The following UACA variants were observed in gnomAD, a reference collection of about 807,000 sequenced individuals.
UACA encodes the protein uveal autoantigen with coiled-coil domains and ankyrin repeats.
A neutral mutation model predicts 160.5 loss-of-function variants in UACA; 112 were observed. The ratio of observed to expected loss-of-function variants is 0.70; its 90% CI spans 0.60 to 0.82. The LOEUF is 0.82. Among genes scored for constraint, UACA ranks in the 40% least tolerant of loss-of-function variants. The pLI is 0.00. For missense variants in UACA, 1,574 were observed against 1,614.6 expected (o/e 0.97, Z 0.43); for synonymous variants, 557 against 568.4 (o/e 0.98, Z 0.29).
chr15:70,715,199 C>T (rs976443959), intron 1 of UACA, among the ~76,000 whole-genome samples: 2 of 152,178 alleles, frequency 1.3e-5, no homozygotes, highest in African/African-American at 4.8e-5. Flanking sequence ...AGGAGGGTCA[C>T]TGTGCCTTCT....
intron 1 of UACA, among the ~76,000 whole-genome samples, chr15:70,723,104 C>A (rs959115055): frequency 1.3e-5 from 2 of 152,166 alleles, no homozygotes; most frequent in African/African-American, 4.8e-5. Flanking sequence ...TCAGTTTCCT[C>A]ATTTTAAAAA....
chr15:70,668,011 T>G lies in UACA; in HGVS notation c.2673A>C (p.Glu891Asp). The change falls in exon 16 of 19, where the codon GAA becomes GAC. Residue 891 changes from glutamate (E) to aspartate (D), a missense_variant. Coordinates refer to ENST00000322954, the MANE Select transcript of UACA (RefSeq NM_018003.4). ...RELLDVKKKFEDINQEFVKIK... is the reference protein window; with the variant it reads ...RELLDVKKKFDDINQEFVKIK... Reference sequence around the variant, plus strand: ...TTTTTACAAATTCCTGATTTATATCTTCAAATTTTTTCTTCACATCTAATA... The same window carrying G: ...TTTTTACAAATTCCTGATTTATATCGTCAAATTTTTTCTTCACATCTAATA... The G allele has an allele frequency of 6.2e-7, 1 of 1,604,002 alleles. No homozygotes were observed. The highest frequency in any genetic ancestry group is 8.5e-7 in the Non-Finnish European group (1 of 1,176,148).
At chr15:70,759,255 C>G (rs2030605391) in intron 1 of UACA, among the ~76,000 whole-genome samples, 2 of 152,202 alleles carry the variant, frequency 1.3e-5, no homozygotes, top group South Asian at 4.1e-4. Context: ...CATATTCTCA[C>G]TATACATATA....
At chr15:70,682,402 T>C (rs1897542574) in intron 9 of UACA, among the ~76,000 whole-genome samples, 1 of 152,178 alleles carries the variant, frequency 6.6e-6, no homozygotes. Flanking sequence ...TGTCCTGTTA[T>C]TAAGGGAGAC....
At chr15:70,673,275 A>AAAAAC (rs1470467010) in intron 13 of UACA, among the ~76,000 whole-genome samples, 4 of 152,224 alleles carry the variant, frequency 2.6e-5, no homozygotes, top group East Asian at 3.9e-4. Context: ...ATCCTGTCTC[A>AAAAAC]AAAACAAAAC....
intron 2 of UACA, 120 bp downstream of exon 2, chr15:70,699,407 T>C (rs995910334): frequency 8.1e-6 from 9 of 1,110,978 alleles, no homozygotes; most frequent in Middle Eastern, 4.1e-4. Context: ...GATTTTATAG[T>C]GCAGGTTTTG....
chr15:70,751,333 G>A (rs1011570007), intron 1 of UACA, among the ~76,000 whole-genome samples: 1 of 152,090 alleles, frequency 6.6e-6, no homozygotes, highest in Non-Finnish European at 1.5e-5. Context: ...TAAAGCAGGT[G>A]GACTTTTGAA....
At position 70,668,957 on chromosome 15, in the gene UACA, T is replaced by A. The variant is rs983130163; in HGVS notation, c.1727A>T (p.Glu576Val). Residue 576 changes from glutamate (E) to valine (V), a missense_variant, in exon 16 of 19, where the codon GAG becomes GTG. Coordinates refer to ENST00000322954, the MANE Select transcript of UACA (RefSeq NM_018003.4). ...QIKQNEMIVE[E>V]FKRDEGKLIE... is the part of the protein sequence containing the mutation. ...CAGCTTGCCTTCATCCCTCTTAAAC[T>A]CTTCTACTATCATCTCATTTTGTTT... The A allele has an allele frequency of 6.2e-7, 1 of 1,613,846 alleles. No homozygotes were observed. The highest frequency in any genetic ancestry group is 8.5e-7 in the Non-Finnish European group (1 of 1,180,022).
At chr15:70,726,275 T>C (rs568911155) in intron 1 of UACA, among the ~76,000 whole-genome samples, 122 of 152,208 alleles carry the variant, frequency 8.0e-4, no homozygotes, top group African/African-American at 2.7e-3. Context: ...AAGGTAAATT[T>C]ACCAAGATGA....
the UACA span, among the ~76,000 whole-genome samples, chr15:70,777,091 T>C: frequency 6.6e-6 from 1 of 152,126 alleles, no homozygotes; most frequent in African/African-American, 2.4e-5. Flanking sequence ...TTAGTAGCAG[T>C]AAAGAAATGA....
chr15:70,772,895 C>T, the UACA span, among the ~76,000 whole-genome samples: 9 of 151,984 alleles, frequency 5.9e-5, no homozygotes, highest in African/African-American at 2.2e-4. Flanking sequence ...TTGAGACCAG[C>T]CTGGCCAACA....
At chr15:70,753,369 C>T (rs976435303) in intron 1 of UACA, among the ~76,000 whole-genome samples, 2 of 152,170 alleles carry the variant, frequency 1.3e-5, no homozygotes, top group African/African-American at 4.8e-5. Flanking sequence ...TTCCACATAT[C>T]TCTGGAGGGA....
At chr15:70,718,802 A>T (rs1445088964) in intron 1 of UACA, among the ~76,000 whole-genome samples, 1 of 152,170 alleles carries the variant, frequency 6.6e-6, no homozygotes, top group East Asian at 1.9e-4. Flanking sequence ...AAAATATGTG[A>T]TATAGGCTTT....
At chr15:70,735,741 T>A (rs1899345267) in intron 1 of UACA, among the ~76,000 whole-genome samples, 1 of 152,168 alleles carries the variant, frequency 6.6e-6, no homozygotes, top group South Asian at 2.1e-4. Flanking sequence ...AGTGGTGCAA[T>A]CATGACTCTC....
chr15:70,755,776 T>C (rs1238789693), intron 1 of UACA, among the ~76,000 whole-genome samples: 1 of 152,182 alleles, frequency 6.6e-6, no homozygotes, highest in East Asian at 1.9e-4. Context: ...TTTGAAGATT[T>C]GTCTATGCCT....
At chr15:70,776,269 A>T in the UACA span, among the ~76,000 whole-genome samples, 33 of 152,286 alleles carry the variant, frequency 2.2e-4, no homozygotes, top group African/African-American at 7.9e-4. Context: ...AAAATTAATT[A>T]ATTTATTTAT....
Position 70,655,404 on chromosome 15 carries a change from T to A in UACA, c.*1652A>T, listed in dbSNP as rs551350522. On this transcript the variant is annotated 3_prime_UTR_variant, in exon 19 of 19. Transcript: ENST00000322954. ...CACCATGCAGGGCTAATTTTTGTATTTTTAGTAGAGATGGGGCTTCACCAT... is the reference window on the plus strand; with the variant it reads ...CACCATGCAGGGCTAATTTTTGTATATTTAGTAGAGATGGGGCTTCACCAT... 1 of 152,230 alleles carries A rather than the reference T, an allele frequency of 6.6e-6. No homozygotes were observed. Among genetic ancestry groups the A allele is most frequent in the South Asian group, 2.1e-4 (1 of 4,820 alleles). The allele number at this position is 152,230 out of a possible 1,614,324, so 9.4% of individuals were successfully genotyped here. A position where few individuals can be genotyped will look rare whatever the true frequency, so the allele number is the denominator to read the frequency against.
the UACA span, among the ~76,000 whole-genome samples, chr15:70,776,317 C>T: frequency 6.6e-6 from 1 of 152,080 alleles, no homozygotes; most frequent in Admixed American, 6.5e-5. Context: ...TACTAAGTGC[C>T]AGGCACTGTT....
chr15:70,741,742 A>G (rs550928772), intron 1 of UACA, among the ~76,000 whole-genome samples: 1 of 152,246 alleles, frequency 6.6e-6, no homozygotes, highest in African/African-American at 2.4e-5. Flanking sequence ...CAGTTCATGC[A>G]AAAATGACTA....
Sources: allele counts gnomAD v4.1 joint callset (sites outside exome capture counted in the v4.1 genomes callset), GRCh38; gene constraint gnomAD v4.1.1; transcripts MANE v1.5; gene names NCBI Gene and HGNC (gene_info 2026-07-23, HGNC 2026-07-21).